The following GARNL3 variants were observed in gnomAD, a reference collection of about 807,000 sequenced individuals.
GARNL3 encodes the protein GTPase-activating Rap/Ran-GAP domain-like protein 3.
Under a neutral mutation model 125.0 loss-of-function variants are expected in GARNL3, and 63 were observed. That is an observed-to-expected ratio of 0.50 (90% CI 0.41 to 0.62). The LOEUF (loss-of-function observed/expected upper bound fraction) is 0.62, where lower values mean the gene tolerates loss of function less well. Among genes scored for constraint, GARNL3 ranks in the 20% least tolerant of loss-of-function variants. The pLI is 0.00. For synonymous variants in GARNL3, 439 were observed against 457.5 expected (o/e 0.96, Z 0.52); for missense variants, 994 against 1,244.0 (o/e 0.80, Z 3.02).
chr9:127,235,236 A>C (rs1471001370), intron 1 of GARNL3, among the ~76,000 whole-genome samples: 3 of 151,194 alleles, frequency 2.0e-5, no homozygotes, highest in African/African-American at 7.3e-5. Flanking sequence ...AGCACATCTC[A>C]CTTCAGGCTA....
At chr9:127,246,118 A>G (rs557505332) in intron 2 of GARNL3, among the ~76,000 whole-genome samples, 1 of 152,228 alleles carries the variant, frequency 6.6e-6, no homozygotes, top group South Asian at 2.1e-4. Context: ...GTGAAGGGAG[A>G]CAAAAATCAA....
In GARNL3 at chr9:127,388,974, T is replaced by A. The variant is rs1412927305; in HGVS notation, c.2598T>A (p.Pro866=). ...TCGTGGGCAGAAGCATCGAACGACC[T>A]CTGAAGTCACCCTTAGTCTCCAAGG... ...RNLVGRSIER[P]LKSPLVSKVI... is the part of the protein sequence containing the mutation. The change falls in exon 26 of 28, where the codon CCT becomes CCA. Residue 866 remains proline, a synonymous_variant. Transcript: ENST00000373387. 3 of 1,613,896 alleles carry A rather than the reference T, an allele frequency of 1.9e-6. No individual in the cohort carries two copies. Among genetic ancestry groups the A allele is most frequent in the Non-Finnish European group, 1.7e-6 (2 of 1,179,718 alleles).
intron 2 of GARNL3, among the ~76,000 whole-genome samples, chr9:127,297,427 C>A (rs1213251000): frequency 6.6e-6 from 1 of 152,272 alleles, no homozygotes. Context: ...CTGTGAGCCA[C>A]TGAGCCCAGC....
chr9:127,294,135 C>G (rs1055599197), intron 2 of GARNL3, among the ~76,000 whole-genome samples: 2 of 152,200 alleles, frequency 1.3e-5, no homozygotes, highest in South Asian at 4.1e-4. Flanking sequence ...GGATTTGACT[C>G]TTTGTCCCCA....
chr9:127,389,339 T>G (rs1369302751), intron 26 of GARNL3, among the ~76,000 whole-genome samples: 1 of 152,198 alleles, frequency 6.6e-6, no homozygotes, highest in Non-Finnish European at 1.5e-5. Flanking sequence ...GGAAAGCTGC[T>G]CAAGCCATGT....
chr9:127,300,880 C>T (rs572469180), intron 2 of GARNL3: 39 of 283,846 alleles, frequency 1.4e-4, no homozygotes, highest in South Asian at 1.1e-3. Context: ...GAACAGACTC[C>T]ACAATAAAGG....
At chr9:127,263,374 T>C (rs1339753629), upstream of GARNL3, among the ~76,000 whole-genome samples, 1 of 152,148 alleles carries the variant, frequency 6.6e-6, no homozygotes, top group African/African-American at 2.4e-5. Flanking sequence ...CTGGCTGAAA[T>C]TGAAGCGGCG....
At position 127,328,303 on chromosome 9, in the gene GARNL3, C is replaced by T. The variant is rs145366719; in HGVS notation, c.594+3208C>T. The stretch of plus-strand genomic sequence containing the variant: ...GAACAATGGCCATGATCCTCCAGAG[C>T]TTCTCTGAGAGCTGTGTGGCGAGGC... On this transcript the variant is annotated intron_variant, in intron 7 of 27. Transcript: ENST00000373387. Among the ~76,000 whole-genome samples, 497 of 152,284 alleles carry T rather than the reference C, an allele frequency of 3.3e-3. 3 individuals carry two copies. The highest frequency in any genetic ancestry group is 0.012 in the African/African-American group (482 of 41,558).
intron 1 of GARNL3, among the ~76,000 whole-genome samples, chr9:127,265,344 C>A (rs2063681778): frequency 6.6e-6 from 1 of 151,560 alleles, no homozygotes; most frequent in Admixed American, 6.6e-5. Flanking sequence ...TGACCTTTTT[C>A]CTAAAAGTTT....
At chr9:127,366,321 C>T (rs1285438027) in intron 22 of GARNL3, among the ~76,000 whole-genome samples, 7 of 152,184 alleles carry the variant, frequency 4.6e-5, no homozygotes, top group Non-Finnish European at 8.8e-5. Flanking sequence ...CAATAAATTG[C>T]TCTTTGGGGA....
At chr9:127,326,601 A>G (rs919825615) in intron 7 of GARNL3, among the ~76,000 whole-genome samples, 2 of 152,186 alleles carry the variant, frequency 1.3e-5, no homozygotes, top group African/African-American at 4.8e-5. Context: ...CTAATATATA[A>G]TACTAATGTA....
At chr9:127,315,587 G>C (rs1490252182) in intron 4 of GARNL3, among the ~76,000 whole-genome samples, 1 of 151,862 alleles carries the variant, frequency 6.6e-6, no homozygotes, top group Non-Finnish European at 1.5e-5. Context: ...GCTGCAGTGA[G>C]CTATGATTGT....
intron 17 of GARNL3, among the ~76,000 whole-genome samples, chr9:127,353,043 A>C (rs1377538155): frequency 1.3e-5 from 2 of 152,114 alleles, no homozygotes; most frequent in African/African-American, 4.8e-5. Flanking sequence ...TAATTATTTT[A>C]GCCCCCTGTG....
chr9:127,323,786 T>G (rs1335404879), intron 6 of GARNL3, among the ~76,000 whole-genome samples: 6 of 151,878 alleles, frequency 4.0e-5, no homozygotes, highest in Non-Finnish European at 5.9e-5. Context: ...CACCTACTGA[T>G]GTACCCATAA....
intron 22 of GARNL3, among the ~76,000 whole-genome samples, chr9:127,380,763 C>T (rs1232524163): frequency 1.3e-5 from 2 of 152,132 alleles, no homozygotes; most frequent in African/African-American, 4.8e-5. Context: ...AAGTGGTTGA[C>T]CAGGGCTAGG....
chr9:127,364,513 C>G lies in GARNL3; in HGVS notation c.2095-787C>G, dbSNP rs187968156. On this transcript the variant is annotated intron_variant, in intron 21 of 27. Coordinates refer to ENST00000373387, the MANE Select transcript of GARNL3 (RefSeq NM_032293.5). The surrounding 1 kb of genome is among the most constrained non-coding windows in gnomAD (Gnocchi z 4.2). ...GAGGAAGTGAAAGGAGCAGGAGGCT[C>G]TTAGAGGGCTGGAGTTTTGAAAATC... The G allele has an allele frequency of 5.9e-5, 9 of 152,334 alleles. No individual in the cohort carries two copies. The East Asian group carries it at 1.2e-3, about 20-fold the overall frequency. 9.4% of individuals were successfully genotyped at this position (152,334 alleles called of 1,614,324 possible). A position where few individuals can be genotyped will look rare whatever the true frequency, so the allele number is the denominator to read the frequency against.
chr9:127,343,625 G>T (rs924786911), intron 14 of GARNL3, among the ~76,000 whole-genome samples: 19 of 152,222 alleles, frequency 1.2e-4, no homozygotes, highest in Admixed American at 1.0e-3. Context: ...TAGGTGCTCA[G>T]TCGGTACTTG....
intron 2 of GARNL3, among the ~76,000 whole-genome samples, chr9:127,298,551 CTTCT>C (rs1467814094): frequency 1.3e-5 from 2 of 152,178 alleles, no homozygotes; most frequent in African/African-American, 4.8e-5. Context: ...TACACCATCA[CTTCT>C]TTATTTCCCA....
chr9:127,359,432 G>T (rs1830863214), intron 21 of GARNL3, among the ~76,000 whole-genome samples: 1 of 152,128 alleles, frequency 6.6e-6, no homozygotes, highest in African/African-American at 2.4e-5. Context: ...GGAGGTTGCA[G>T]TGAGCCAAGA....
Sources: allele counts gnomAD v4.1 joint callset (sites outside exome capture counted in the v4.1 genomes callset), GRCh38; gene constraint gnomAD v4.1.1; non-coding constraint Gnocchi (gnomAD v3.1); transcripts MANE v1.5; gene names NCBI Gene and HGNC (gene_info 2026-07-23, HGNC 2026-07-21).